DCAF6: variants seen among roughly 807,000 people sequenced by gnomAD.
DCAF6 encodes DDB1 and CUL4 associated factor 6.
Under a neutral mutation model 125.1 loss-of-function variants are expected in DCAF6, and 54 were observed. The observed-to-expected ratio is 0.43, with a 90% confidence interval of 0.35 to 0.54. The LOEUF (loss-of-function observed/expected upper bound fraction) is 0.54, where lower values mean the gene tolerates loss of function less well. DCAF6 is among the 20% of genes least tolerant of loss of function. The pLI, the probability that DCAF6 is intolerant of heterozygous loss-of-function variation, is 0.01. For synonymous variants in DCAF6, 371 were observed against 390.4 expected, an observed-to-expected ratio of 0.95 and a Z score of 0.58; for missense variants, 934 against 1,161.7, an observed-to-expected ratio of 0.80 and a Z score of 2.85.
Position 167,996,470 on chromosome 1 carries a change from A to G in DCAF6, c.903+3030A>G, listed in dbSNP as rs2294493. Among the ~76,000 whole-genome samples the G allele has an allele frequency of 4.6e-3, 696 of 152,256 alleles. 8 individuals are homozygous for G. In the East Asian group the frequency reaches 0.058, roughly 13 times the overall value. On this transcript the variant is annotated intron_variant, in intron 7 of 21. Coordinates refer to ENST00000367840, the MANE Select transcript of DCAF6 (RefSeq NM_001198956.2). ...GATCCGAGCTATCAGCATCTCTGGC[A>G]TGACCTATCCCCCTTTGTAGTTGAT...
chr1:167,883,428 C>T, the DCAF6 span: 1 of 1,613,950 alleles, frequency 6.2e-7, no homozygotes, highest in African/African-American at 1.3e-5. Flanking sequence ...TCCCATAGTT[C>T]ACACTTACCT....
At chr1:168,017,466 A>G (rs916621454) in intron 11 of DCAF6, among the ~76,000 whole-genome samples, 1 of 152,108 alleles carries the variant, frequency 6.6e-6, no homozygotes, top group African/African-American at 2.4e-5. Flanking sequence ...GAGATTCACT[A>G]ATCTTTTGTA....
At chr1:167,921,355 G>A in the DCAF6 span, among the ~76,000 whole-genome samples, 1 of 151,904 alleles carries the variant, frequency 6.6e-6, no homozygotes, top group Non-Finnish European at 1.5e-5. Flanking sequence ...CCAAGTAGCT[G>A]GAATTACAGG....
intron 12 of DCAF6, among the ~76,000 whole-genome samples, chr1:168,029,963 G>T (rs1686842440): frequency 6.7e-6 from 1 of 148,790 alleles, no homozygotes; most frequent in South Asian, 2.1e-4. Flanking sequence ...CTGGGTGACA[G>T]AGCAAGACTC....
Position 168,015,813 on chromosome 1 carries a change from C to A in DCAF6, c.1411C>A (p.Arg471Ser). 4.6e-6 allele frequency: 7 copies of A among 1,526,630 alleles called. No individual in the cohort carries two copies. The highest frequency in any genetic ancestry group is 6.2e-6 in the Non-Finnish European group (7 of 1,133,920). The allele number at this position is 1,526,630 out of a possible 1,614,324, so 94.6% of individuals were successfully genotyped here. The change falls in exon 11 of 22, where the codon CGT (arginine) becomes AGT (serine). Residue 471 changes from arginine (R) to serine (S), a missense_variant. Physicochemically the swap from Arg to Ser is moderately radical, Grantham distance 110. Coordinates refer to ENST00000367840, the MANE Select transcript of DCAF6 (RefSeq NM_001198956.2). Reference protein sequence around the residue: ...FLRGPEIALLRKRLQQLRLKK... With the variant: ...FLRGPEIALLSKRLQQLRLKK... ...AAGGGGCCCTGAGATAGCTTTGCTT[C>A]GTAAGCGCCTGCAACAACTGAGGCT...
chr1:167,899,328 A>C, the DCAF6 span: 1 of 1,242,192 alleles, frequency 8.1e-7, no homozygotes, highest in Non-Finnish European at 1.2e-6. Flanking sequence ...CCAGCCCAGG[A>C]GCTTTATGAA....
chr1:168,075,707 A>C lies in DCAF6; in HGVS notation c.*272A>C. 6.7e-6 allele frequency: 2 copies of C among 299,138 alleles called. No individual in the cohort carries two copies. The highest frequency in any genetic ancestry group is 1.2e-5 in the Non-Finnish European group (2 of 163,792). 18.5% of individuals were successfully genotyped at this position (299,138 alleles called of 1,614,324 possible). On this transcript the variant is annotated 3_prime_UTR_variant, in exon 22 of 22. Coordinates refer to ENST00000367840, the MANE Select transcript of DCAF6 (RefSeq NM_001198956.2). ...GTGCAATATTTTCCCTAACCTTCAA[A>C]TGTGGGAGCTTGGATCAATGTTGAA...
chr1:168,065,768 G>C (rs778847087), intron 19 of DCAF6, 22 bp downstream of exon 19: 3 of 1,600,394 alleles, frequency 1.9e-6, no homozygotes, highest in Middle Eastern at 1.7e-4. Flanking sequence ...TTTCTAGGAC[G>C]AGGGCTAGAA....
chr1:167,987,012 A>G (rs1233062057), intron 4 of DCAF6, among the ~76,000 whole-genome samples: 2 of 152,236 alleles, frequency 1.3e-5, no homozygotes, highest in Admixed American at 1.3e-4. Flanking sequence ...TTCATGTTGT[A>G]TAACCATTAC....
At chr1:167,935,742 G>A, upstream of DCAF6, 2 of 1,561,668 alleles carry the variant, frequency 1.3e-6, no homozygotes, top group African/African-American at 1.4e-5. Flanking sequence ...CCTGCTGGAT[G>A]GTTGTACAAC....
In DCAF6 at chr1:168,056,075, T is replaced by C. The variant is rs1690710632; in HGVS notation, c.2300+5142T>C. ...CATTAATTTCAGTTACTTCTCCTGA[T>C]AAAGGAGAATAGAGTTCACTAGCAG... On this transcript the variant is annotated intron_variant, in intron 17 of 21. Transcript: ENST00000367840. The C allele has an allele frequency of 2.5e-6, 4 of 1,586,498 alleles. No individual in the cohort carries two copies. The African/African-American group carries it at 4.2e-5, about 17-fold the overall frequency.
intron 18 of DCAF6, among the ~76,000 whole-genome samples, chr1:168,065,226 T>C (rs557951639): frequency 6.6e-6 from 1 of 152,098 alleles, no homozygotes; most frequent in Admixed American, 6.5e-5. Flanking sequence ...TCCCTCTTCT[T>C]AGGGGGGATT....
At chr1:168,064,193 C>T (rs940091822) in intron 18 of DCAF6, among the ~76,000 whole-genome samples, 1 of 151,032 alleles carries the variant, frequency 6.6e-6, no homozygotes. Context: ...CCACTTTATA[C>T]CCATTTTTAA....
At chr1:168,006,974 C>G (rs1683417927) in intron 10 of DCAF6, among the ~76,000 whole-genome samples, 1 of 152,190 alleles carries the variant, frequency 6.6e-6, no homozygotes, top group Non-Finnish European at 1.5e-5. Flanking sequence ...TCAATGGGTG[C>G]TCAACACTGT....
chr1:167,889,807 C>T, the DCAF6 span, among the ~76,000 whole-genome samples: 1 of 152,132 alleles, frequency 6.6e-6, no homozygotes, highest in East Asian at 1.9e-4. Flanking sequence ...TCTAGATTTT[C>T]CAATTTATTG....
In DCAF6 at chr1:168,041,154, G is replaced by A. The variant is rs372324215; in HGVS notation, c.1728-1871G>A. Among the ~76,000 whole-genome samples, 94 of 152,132 alleles carry A rather than the reference G, an allele frequency of 6.2e-4. 1 individual carries two copies. Among genetic ancestry groups the A allele is most frequent in the African/African-American group, 2.0e-3 (83 of 41,538 alleles). On this transcript the variant is annotated intron_variant, in intron 13 of 21. Coordinates refer to ENST00000367840, the MANE Select transcript of DCAF6 (RefSeq NM_001198956.2). ...TAATGAGATCATGCAGAGAAAGTACGTAGCACTTACTAGCACATTGATTGG... is the reference window on the plus strand; with the variant it reads ...TAATGAGATCATGCAGAGAAAGTACATAGCACTTACTAGCACATTGATTGG...
chr1:167,973,295 T>C (rs947339424), intron 3 of DCAF6, among the ~76,000 whole-genome samples: 2 of 152,234 alleles, frequency 1.3e-5, no homozygotes, highest in African/African-American at 4.8e-5. Context: ...TCAGGTGATA[T>C]TGTGGTACAT....
the DCAF6 span, among the ~76,000 whole-genome samples, chr1:167,926,594 C>G: frequency 2.6e-5 from 4 of 152,298 alleles, no homozygotes; most frequent in South Asian, 6.2e-4. Flanking sequence ...TTAGTTGCCC[C>G]AACTGTGGTG....
upstream of DCAF6, among the ~76,000 whole-genome samples, chr1:167,931,644 A>T (rs1202581585): frequency 6.6e-6 from 1 of 152,080 alleles, no homozygotes; most frequent in South Asian, 2.1e-4. Flanking sequence ...CAGAGATGCT[A>T]AAGAACTGTG....
Sources: gnomAD v4.1 joint callset for allele counts (sites outside exome capture counted in the v4.1 genomes callset) on GRCh38, gnomAD v4.1.1 for gene constraint, MANE v1.5 for transcripts, NCBI Gene and HGNC (gene_info 2026-07-23, HGNC 2026-07-21) for gene names.